Variants in ADIPOR2 observed in about 807,000 individuals in gnomAD.
ADIPOR2 encodes adiponectin receptor protein 2.
A neutral mutation model predicts 40.9 loss-of-function variants in ADIPOR2; 18 were observed. That is an observed-to-expected ratio of 0.44 (90% confidence interval 0.30 to 0.65). ADIPOR2 has a LOEUF of 0.65. Ranked by LOEUF, ADIPOR2 falls within the 30% of genes least tolerant of loss-of-function variation. ADIPOR2 has a pLI of 0.09. For missense variants in ADIPOR2, 283 were observed against 479.2 expected (o/e 0.59, Z 3.82); for synonymous variants, 165 against 166.4 (o/e 0.99, Z 0.06).
intron 1 of ADIPOR2, among the ~76,000 whole-genome samples, chr12:1,735,580 C>G (rs1477386393): frequency 6.6e-6 from 1 of 152,062 alleles, no homozygotes; most frequent in East Asian, 1.9e-4. Context: ...AATTGAATAC[C>G]CTTTATTTCC....
intron 1 of ADIPOR2, among the ~76,000 whole-genome samples, chr12:1,732,000 T>A (rs2094721520): frequency 6.7e-6 from 1 of 148,422 alleles, no homozygotes; most frequent in African/African-American, 2.5e-5. Flanking sequence ...CAAGTTTATT[T>A]AAAAAAAAAA....
chr12:1,772,800 T>A, intron 2 of ADIPOR2, 42 bp from the exon 3 acceptor site: 1 of 1,559,338 alleles, frequency 6.4e-7, no homozygotes, highest in South Asian at 1.2e-5. Flanking sequence ...GTCATTTGGC[T>A]CCCAGTCTCT....
At chr12:1,719,869 G>T (rs948741052) in intron 1 of ADIPOR2, among the ~76,000 whole-genome samples, 1 of 151,996 alleles carries the variant, frequency 6.6e-6, no homozygotes, top group Non-Finnish European at 1.5e-5. Context: ...CAGAGATGGG[G>T]TTTTACCATG....
At chr12:1,699,020 T>A (rs1029454284) in intron 1 of ADIPOR2, among the ~76,000 whole-genome samples, 30 of 152,218 alleles carry the variant, frequency 2.0e-4, no homozygotes, top group African/African-American at 6.8e-4. Flanking sequence ...CGGGCCTCCC[T>A]TAGGTGGAGC....
chr12:1,696,640 C>T (rs1462393157), intron 1 of ADIPOR2: 1 of 152,288 alleles, frequency 6.6e-6, no homozygotes, highest in Non-Finnish European at 1.5e-5. Flanking sequence ...GAGCGATCCT[C>T]CTCCCTCAGC....
At chr12:1,779,352 G>A (rs1475613833) in intron 4 of ADIPOR2, among the ~76,000 whole-genome samples, 1 of 152,216 alleles carries the variant, frequency 6.6e-6, no homozygotes, top group Non-Finnish European at 1.5e-5. Context: ...AAGGGATGAA[G>A]CACTGATACA....
At chr12:1,757,505 G>C (rs964384533) in intron 2 of ADIPOR2, 2 of 766,390 alleles carry the variant, frequency 2.6e-6, no homozygotes, top group Non-Finnish European at 4.8e-6. Context: ...TGTCAAACTT[G>C]ATGAAATTGG....
chr12:1,749,250 C>G (rs2094763696), intron 1 of ADIPOR2, among the ~76,000 whole-genome samples: 1 of 152,134 alleles, frequency 6.6e-6, no homozygotes, highest in African/African-American at 2.4e-5. Flanking sequence ...TCACTGAACC[C>G]TGTCCTCTTG....
intron 6 of ADIPOR2, among the ~76,000 whole-genome samples, chr12:1,781,938 C>T (rs1862728191): frequency 6.6e-6 from 1 of 152,180 alleles, no homozygotes. Context: ...TTCAACAGTA[C>T]TTGAGTAGTA....
intron 1 of ADIPOR2, among the ~76,000 whole-genome samples, chr12:1,728,820 T>A (rs910255515): frequency 6.6e-6 from 1 of 152,156 alleles, no homozygotes; most frequent in African/African-American, 2.4e-5. Flanking sequence ...TCTGTGTTAG[T>A]AGAATAAAAA....
intron 1 of ADIPOR2, among the ~76,000 whole-genome samples, chr12:1,738,023 C>T (rs1027572101): frequency 1.8e-4 from 28 of 151,996 alleles, no homozygotes; most frequent in Non-Finnish European, 3.7e-4. Context: ...CACAGCATTA[C>T]CACTACTTGA....
intron 5 of ADIPOR2, 101 bp downstream of exon 5, chr12:1,780,738 G>C: frequency 1.4e-6 from 2 of 1,397,408 alleles, no homozygotes; most frequent in Non-Finnish European, 9.5e-7. Context: ...ATCATCTCAT[G>C]CAAACTTTTT....
chr12:1,700,861 G>A (rs2094648726), intron 1 of ADIPOR2, among the ~76,000 whole-genome samples: 1 of 151,420 alleles, frequency 6.6e-6, no homozygotes, highest in Non-Finnish European at 1.5e-5. Context: ...CATTTTAGGG[G>A]TTGATTTGAA....
intron 1 of ADIPOR2, chr12:1,730,828 C>G (rs1268317783): frequency 7.2e-5 from 11 of 151,952 alleles, no homozygotes; most frequent in Admixed American, 3.3e-4. Flanking sequence ...AGTTATTTCT[C>G]CTTAGTTAAA....
intron 2 of ADIPOR2, among the ~76,000 whole-genome samples, chr12:1,754,864 G>T (rs1862090516): frequency 1.2e-4 from 7 of 57,792 alleles, no homozygotes; most frequent in South Asian, 6.0e-4. Context: ...ACAGGTACAT[G>T]CCACCATGCC....
intron 1 of ADIPOR2, among the ~76,000 whole-genome samples, chr12:1,701,834 T>C (rs1223509523): frequency 6.6e-6 from 1 of 152,200 alleles, no homozygotes; most frequent in Non-Finnish European, 1.5e-5. Context: ...AAAAACTGCA[T>C]GTTGTGGCTG....
chr12:1,743,229 C>CAAAAAAAAAAAAAAAAA (rs552711963), intron 1 of ADIPOR2, among the ~76,000 whole-genome samples: 2 of 55,274 alleles, frequency 3.6e-5, no homozygotes, highest in African/African-American at 6.6e-5. Context: ...CCATCTCTAC[C>CAAAAAAAAAAAAAAAAA]AAAAAAAAAA....
chr12:1,722,162 A>G (rs2094699187), intron 1 of ADIPOR2, among the ~76,000 whole-genome samples: 1 of 152,206 alleles, frequency 6.6e-6, no homozygotes, highest in African/African-American at 2.4e-5. Flanking sequence ...GGCTTGGGCC[A>G]GAGAGTAAAT....
chr12:1,745,776 G>T (rs1230094438), intron 1 of ADIPOR2, among the ~76,000 whole-genome samples: 1 of 152,118 alleles, frequency 6.6e-6, no homozygotes, highest in Non-Finnish European at 1.5e-5. Flanking sequence ...TGCTCTGTTA[G>T]GGTGCTTTTC....
Sources: allele counts gnomAD v4.1 joint callset (sites outside exome capture counted in the v4.1 genomes callset), GRCh38; gene constraint gnomAD v4.1.1; transcripts MANE v1.5; gene names NCBI Gene and HGNC (gene_info 2026-07-23, HGNC 2026-07-21).